NDST3: variants seen among roughly 807,000 people sequenced by gnomAD.
NDST3 encodes the protein bifunctional heparan sulfate N-deacetylase/N-sulfotransferase 3.
Under a neutral mutation model 96.1 loss-of-function variants are expected in NDST3, and 58 were observed. That is an observed-to-expected ratio of 0.60 (90% CI 0.49 to 0.75). The LOEUF is 0.75. NDST3 is among the 30% of genes least tolerant of loss of function. The pLI is 0.00. For missense variants in NDST3, 788 were observed against 1,034.2 expected (o/e 0.76, Z 3.27); for synonymous variants, 333 against 359.7 (o/e 0.93, Z 0.84).
At chr4:118,227,412 T>C (rs1739961730) in intron 8 of NDST3, among the ~76,000 whole-genome samples, 1 of 152,054 alleles carries the variant, frequency 6.6e-6, no homozygotes, top group Non-Finnish European at 1.5e-5. Context: ...CCTAATATTG[T>C]TTATTTGTAA....
intron 1 of NDST3, among the ~76,000 whole-genome samples, chr4:118,052,103 A>G (rs1320971310): frequency 6.6e-6 from 1 of 152,094 alleles, no homozygotes; most frequent in Non-Finnish European, 1.5e-5. Context: ...TCCCAGCACT[A>G]TTCAAAATAG....
At chr4:118,171,010 G>A (rs1486769092) in intron 6 of NDST3, among the ~76,000 whole-genome samples, 2 of 152,152 alleles carry the variant, frequency 1.3e-5, no homozygotes, top group Non-Finnish European at 2.9e-5. Context: ...TTCATCTCCA[G>A]GCAAAGGAAA....
rs900765028 is a variant in NDST3 at position 118,207,212 on chromosome 4, G to T, written c.1540-17279G>T. On this transcript the variant is annotated intron_variant, in intron 6 of 13. Coordinates refer to ENST00000296499, the MANE Select transcript of NDST3 (RefSeq NM_004784.3). Reference sequence around the variant, plus strand: ...ACACAAATTATATCTGTGGCTTCTTGTTGAATCCAAAATAAATATTAAAAG... The same window carrying T: ...ACACAAATTATATCTGTGGCTTCTTTTTGAATCCAAAATAAATATTAAAAG... Among the ~76,000 whole-genome samples, 10 of 139,412 alleles carry T rather than the reference G, an allele frequency of 7.2e-5. 1 individual carries two copies. The highest frequency in any genetic ancestry group is 1.4e-4 in the Non-Finnish European group (9 of 63,782). The allele number at this position is 139,412 out of a possible 152,430, so 91.5% of individuals were successfully genotyped here. A position where few individuals can be genotyped will look rare whatever the true frequency, so the allele number is the denominator to read the frequency against.
intron 2 of NDST3, among the ~76,000 whole-genome samples, chr4:118,062,148 G>A (rs926566857): frequency 6.6e-6 from 1 of 152,166 alleles, no homozygotes; most frequent in East Asian, 1.9e-4. Flanking sequence ...ATGTAAGGAG[G>A]TGGCTTTAGT....
intron 6 of NDST3, among the ~76,000 whole-genome samples, chr4:118,187,254 CA>C (rs1355899460): frequency 9.2e-5 from 14 of 152,192 alleles, no homozygotes; most frequent in Non-Finnish European, 1.6e-4. Context: ...AATTATTTAG[CA>C]TAACTTTCAC....
chr4:118,092,452 G>A (rs1400800419), intron 2 of NDST3, among the ~76,000 whole-genome samples: 10 of 151,708 alleles, frequency 6.6e-5, no homozygotes, highest in Non-Finnish European at 4.4e-5. Flanking sequence ...ATAGCAGGCC[G>A]TTTCTGATTC....
At chr4:118,251,131 T>TA (rs1491359394) in intron 12 of NDST3, among the ~76,000 whole-genome samples, 25 of 50,500 alleles carry the variant, frequency 5.0e-4, no homozygotes, top group Non-Finnish European at 8.5e-4. Context: ...TTTTATTTTA[T>TA]TTTTTTTTTT....
chr4:118,085,609 T>G (rs538794208), intron 2 of NDST3, among the ~76,000 whole-genome samples: 1 of 152,138 alleles, frequency 6.6e-6, no homozygotes, highest in Non-Finnish European at 1.5e-5. Flanking sequence ...CTTGTTCAAG[T>G]TGAACACTCT....
chr4:118,072,448 C>G (rs1432437304), intron 2 of NDST3, among the ~76,000 whole-genome samples: 1 of 151,970 alleles, frequency 6.6e-6, no homozygotes, highest in African/African-American at 2.4e-5. Context: ...TTTGACCTCC[C>G]TAGTTAGCTG....
intron 6 of NDST3, among the ~76,000 whole-genome samples, chr4:118,191,487 A>G (rs1471890138): frequency 6.6e-6 from 1 of 152,144 alleles, no homozygotes; most frequent in Non-Finnish European, 1.5e-5. Context: ...TTCAGGATGG[A>G]GTCCATTAAG....
upstream of NDST3, chr4:118,034,272 T>G (rs1724024519): frequency 6.6e-6 from 1 of 152,232 alleles, no homozygotes; most frequent in Non-Finnish European, 1.5e-5. Flanking sequence ...GTTACAAGTT[T>G]GCTGTTGTAT....
At chr4:118,113,250 C>A (rs1224534865) in intron 3 of NDST3, among the ~76,000 whole-genome samples, 1 of 152,090 alleles carries the variant, frequency 6.6e-6, no homozygotes, top group Non-Finnish European at 1.5e-5. Context: ...AACCTTCTGA[C>A]TCCAAAGGCT....
At chr4:118,241,622 A>C (rs1463795512) in intron 11 of NDST3, among the ~76,000 whole-genome samples, 1 of 152,222 alleles carries the variant, frequency 6.6e-6, no homozygotes, top group Non-Finnish European at 1.5e-5. Context: ...CTATTCCTGA[A>C]AGGAATCGTG....
intron 6 of NDST3, among the ~76,000 whole-genome samples, chr4:118,167,666 C>CA (rs1445941788): frequency 2.0e-5 from 3 of 151,932 alleles, no homozygotes. Flanking sequence ...AAATATATTA[C>CA]AAAGATATAG....
intron 8 of NDST3, 60 bp downstream of exon 8, chr4:118,227,042 A>G (rs1194129428): frequency 9.2e-7 from 1 of 1,091,776 alleles, no homozygotes; most frequent in African/African-American, 1.6e-5. Flanking sequence ...AGACAATGAG[A>G]TCTTGTCACA....
At chr4:118,129,140 T>G (rs1224596224) in intron 4 of NDST3, among the ~76,000 whole-genome samples, 2 of 151,998 alleles carry the variant, frequency 1.3e-5, no homozygotes, top group South Asian at 2.1e-4. Flanking sequence ...AAATCCTTTT[T>G]GTTTCATTGA....
intron 2 of NDST3, among the ~76,000 whole-genome samples, chr4:118,077,431 T>C (rs1267260988): frequency 2.0e-5 from 3 of 152,228 alleles, no homozygotes; most frequent in Non-Finnish European, 4.4e-5. Context: ...TGTTAGCAGA[T>C]AGACTCTTGG....
At chr4:118,180,958 G>T (rs575424785) in intron 6 of NDST3, among the ~76,000 whole-genome samples, 1 of 152,224 alleles carries the variant, frequency 6.6e-6, no homozygotes, top group East Asian at 1.9e-4. Context: ...TAAAACTACA[G>T]CTCTTGCCAA....
intron 4 of NDST3, among the ~76,000 whole-genome samples, chr4:118,117,174 T>G (rs1304526814): frequency 6.6e-6 from 1 of 152,200 alleles, no homozygotes; most frequent in South Asian, 2.1e-4. Flanking sequence ...AGAATTTATT[T>G]TGTTGCAAGA....
Sources: gnomAD v4.1 joint callset for allele counts (sites outside exome capture counted in the v4.1 genomes callset) on GRCh38, gnomAD v4.1.1 for gene constraint, MANE v1.5 for transcripts, NCBI Gene and HGNC (gene_info 2026-07-23, HGNC 2026-07-21) for gene names.